SH3GLB2: variants seen among roughly 807,000 people sequenced by gnomAD.
SH3GLB2 encodes the protein endophilin-B2.
Under a neutral mutation model 48.0 loss-of-function variants are expected in SH3GLB2, and 24 were observed. The observed-to-expected ratio is 0.50, with a 90% confidence interval of 0.36 to 0.70. The LOEUF (loss-of-function observed/expected upper bound fraction) is 0.70, where lower values mean the gene tolerates loss of function less well. Among genes scored for constraint, SH3GLB2 ranks in the 30% least tolerant of loss-of-function variants. The pLI is 0.00. For missense variants in SH3GLB2, 425 were observed against 516.0 expected, an observed-to-expected ratio of 0.82 and a Z score of 1.71; for synonymous variants, 227 against 207.6, an observed-to-expected ratio of 1.09 and a Z score of -0.80.
At position 129,011,928 on chromosome 9, in the gene SH3GLB2, G is replaced by T; in HGVS notation, c.624+308C>A. On this transcript the variant is annotated intron_variant, in intron 6 of 10. Transcript: ENST00000372564. The surrounding 1 kb of genome is among the most constrained non-coding windows in gnomAD (Gnocchi z 4.5). ...ATTCAGAGACAGCAGGAGGTGGAGG[G>T]GCCCTGGGGATGGGACAGCTGCCGC... The T allele has an allele frequency of 3.0e-6, 1 of 328,918 alleles. No individual in the cohort carries two copies. Among genetic ancestry groups the T allele is most frequent in the Non-Finnish European group, 5.5e-6 (1 of 181,752 alleles). The allele number at this position is 328,918 out of a possible 1,614,324, so 20.4% of individuals were successfully genotyped here.
intron 2 of SH3GLB2, 39 bp downstream of exon 2, chr9:129,022,243 C>G (rs776030306): frequency 4.4e-6 from 7 of 1,606,880 alleles, no homozygotes; most frequent in Non-Finnish European, 4.2e-6. Flanking sequence ...CCCTGCCCCA[C>G]GACTACATCC....
rs550083732 is a variant in SH3GLB2 at position 129,021,014 on chromosome 9, A to G, written c.334+77T>C. On this transcript the variant is annotated intron_variant, in intron 3 of 10. Coordinates refer to ENST00000372564, the MANE Select transcript of SH3GLB2 (RefSeq NM_020145.4). ...TATTTGTATAATTATTTTTTTAAGT[A>G]AAAAAAAGGAAGGGAGGGAGGGAGA... The G allele has an allele frequency of 4.6e-6, 6 of 1,304,316 alleles. No homozygotes were observed. The East Asian group carries it at 1.4e-4, about 30-fold the overall frequency. The allele number at this position is 1,304,316 out of a possible 1,614,324, so 80.8% of individuals were successfully genotyped here.
intron 3 of SH3GLB2, among the ~76,000 whole-genome samples, chr9:129,017,158 C>G (rs1219643820): frequency 6.6e-6 from 1 of 151,868 alleles, no homozygotes; most frequent in Non-Finnish European, 1.5e-5. Flanking sequence ...CCATGTTGGC[C>G]AGGCTGGTCT....
chr9:129,010,086 G>A (rs375424229), intron 8 of SH3GLB2, 34 bp downstream of exon 8: 18 of 1,592,924 alleles, frequency 1.1e-5, no homozygotes, highest in African/African-American at 5.4e-5. Flanking sequence ...CCTGCTGAGG[G>A]TTAGGTTTAG....
Position 129,014,358 on chromosome 9 carries a change from T to C in SH3GLB2, c.561+53A>G, listed in dbSNP as rs1843300574. Reference sequence around the variant, plus strand: ...CAGGTCCCTTCATGCCACCACCCCTTGGCTCCAGCCAGAGCCTGGGCCAGG... The same window carrying C: ...CAGGTCCCTTCATGCCACCACCCCTCGGCTCCAGCCAGAGCCTGGGCCAGG... On this transcript the variant is annotated intron_variant, in intron 5 of 10. Transcript: ENST00000372564. This position sits in a 1 kb window ranked among gnomAD's most constrained non-coding sequence, Gnocchi z 4.1. 2.0e-6 allele frequency: 3 copies of C among 1,510,584 alleles called. No homozygotes were observed. The highest frequency in any genetic ancestry group is 1.4e-5 in the African/African-American group (1 of 72,158). 93.6% of individuals were successfully genotyped at this position (1,510,584 alleles called of 1,614,324 possible).
At position 129,014,968 on chromosome 9, in the gene SH3GLB2, G is replaced by A. The variant is rs1843343847; in HGVS notation, c.335-64C>T. 2 of 1,564,160 alleles carry A rather than the reference G, an allele frequency of 1.3e-6. No homozygotes were observed. The highest frequency in any genetic ancestry group is 1.4e-5 in the African/African-American group (1 of 73,244). Reference sequence around the variant, plus strand: ...GCTCAGGCTACTCTGATCTACAGGAGAGGGCTCAGGAAGAGCTTGCTGAAG... The same window carrying A: ...GCTCAGGCTACTCTGATCTACAGGAAAGGGCTCAGGAAGAGCTTGCTGAAG... On this transcript the variant is annotated intron_variant, in intron 3 of 10. Transcript: ENST00000372564. The surrounding 1 kb of genome is among the most constrained non-coding windows in gnomAD (Gnocchi z 4.1).
chr9:129,022,508 C>G, intron 1 of SH3GLB2, 85 bp from the exon 2 acceptor site: 2 of 1,291,278 alleles, frequency 1.5e-6, no homozygotes, highest in Non-Finnish European at 2.2e-6. Flanking sequence ...AGGACTGCCC[C>G]TCCCCACCAG....
At chr9:129,013,480 G>C (rs1418485415) in intron 5 of SH3GLB2, 1 of 186,508 alleles carries the variant, frequency 5.4e-6, no homozygotes, top group Non-Finnish European at 1.1e-5. Context: ...AATAGGCACA[G>C]GTCACCCTAG....
intron 8 of SH3GLB2, 118 bp from the exon 9 acceptor site, chr9:129,009,989 G>A: frequency 5.9e-6 from 8 of 1,361,826 alleles, no homozygotes; most frequent in Non-Finnish European, 8.3e-6. Flanking sequence ...CCCTGCCCCT[G>A]CGCCCACACC....
chr9:129,012,358 G>C, intron 5 of SH3GLB2, 60 bp from the exon 6 acceptor site: 1 of 1,119,042 alleles, frequency 8.9e-7, no homozygotes, highest in Non-Finnish European at 1.2e-6. Context: ...CCAGGGTCGA[G>C]GTCAGGAGGC....
rs1843930536 is a variant in SH3GLB2 at position 129,023,216 on chromosome 9, C to T, written c.64-793G>A. On this transcript the variant is annotated intron_variant, in intron 1 of 10. Transcript: ENST00000372564. ...ATGGCCAAACGGTTGGCTTTGGCCA[C>T]CTGGTAGGGTAGATGGAAACACTGC... is the stretch of plus-strand genomic sequence containing the variant. Among the ~76,000 whole-genome samples, 4 of 152,112 alleles carry T rather than the reference C, an allele frequency of 2.6e-5. No individual in the cohort carries two copies. The South Asian group carries it at 8.3e-4, about 31-fold the overall frequency.
rs1564572964 is a variant in SH3GLB2 at position 129,008,424 on chromosome 9, G to C, written c.*260C>G. The C allele has an allele frequency of 2.2e-6, 1 of 446,684 alleles. No individual in the cohort carries two copies. The highest frequency in any genetic ancestry group is 2.0e-5 in the African/African-American group (1 of 49,892). The allele number at this position is 446,684 out of a possible 1,614,324, so 27.7% of individuals were successfully genotyped here. On this transcript the variant is annotated 3_prime_UTR_variant, in exon 11 of 11. Transcript: ENST00000372564. ...GCTGCAGACAGCCCCTCCCTCCTTA[G>C]TGGAGCCTGGAGGGTGGGGTGCTCG...
chr9:129,025,648 A>C lies in SH3GLB2; in HGVS notation c.63+2444T>G, dbSNP rs138990254. ...AAGGCAGGCAGGCAGGCAGGCAGGC[A>C]GGCAGGCCTCCCTCACATCCCTCCT... On this transcript the variant is annotated intron_variant, in intron 1 of 10. Coordinates refer to ENST00000372564, the MANE Select transcript of SH3GLB2 (RefSeq NM_020145.4). Among the ~76,000 whole-genome samples, 822 of 151,524 alleles carry C rather than the reference A, an allele frequency of 5.4e-3. 10 individuals are homozygous for C. Among genetic ancestry groups the C allele is most frequent in the East Asian group, 0.04 (205 of 5,148 alleles).
In SH3GLB2 at chr9:129,010,614, G is replaced by A. The variant is rs112238209; in HGVS notation, c.648+56C>T. 46 of 1,595,874 alleles carry A rather than the reference G, an allele frequency of 2.9e-5. No homozygotes were observed. In the African/African-American group the frequency reaches 3.6e-4, roughly 13 times the overall value. ...GATCAGACCCCACAGCAGCAAGTGT[G>A]CCTGCACCCCGCCACCCCTTCTTCC... On this transcript the variant is annotated intron_variant, in intron 7 of 10. Coordinates refer to ENST00000372564, the MANE Select transcript of SH3GLB2 (RefSeq NM_020145.4).
Position 129,014,816 on chromosome 9 carries a change from G to A in SH3GLB2, c.423C>T (p.Leu141=). The change falls in exon 4 of 11, where the codon CTC becomes CTT. Residue 141 remains leucine (L), a synonymous_variant. Transcript: ENST00000372564. This position sits in a 1 kb window ranked among gnomAD's most constrained non-coding sequence, Gnocchi z 4.1. ...DFIHTASISF[L]TPLRNFLEGD... The stretch of plus-strand genomic sequence containing the variant: ...CCTCCAGGAAGTTGCGCAAGGGTGT[G>A]AGGAAGCTGATGGAGGCCGTGTGGA... The A allele has an allele frequency of 6.2e-7, 1 of 1,614,042 alleles. No individual in the cohort carries two copies. Among genetic ancestry groups the A allele is most frequent in the Non-Finnish European group, 8.5e-7 (1 of 1,180,028 alleles).
intron 1 of SH3GLB2, 56 bp from the exon 2 acceptor site, chr9:129,022,479 G>C (rs1453629015): frequency 7.4e-6 from 11 of 1,490,332 alleles, no homozygotes; most frequent in Non-Finnish European, 1.0e-5. Flanking sequence ...AAGGAGGTGG[G>C]GGAGTGGTGG....
chr9:129,025,138 T>C (rs181733022), intron 1 of SH3GLB2, among the ~76,000 whole-genome samples: 1 of 150,232 alleles, frequency 6.7e-6, no homozygotes, highest in Non-Finnish European at 1.5e-5. Flanking sequence ...TAGCATGACG[T>C]GGTGGTGGGC....
chr9:129,009,579 G>C, intron 9 of SH3GLB2, 192 bp downstream of exon 9: 3 of 1,535,578 alleles, frequency 2.0e-6, no homozygotes, highest in Non-Finnish European at 2.6e-6. Flanking sequence ...GGGGCTCCAG[G>C]GGACTTGGCC....
intron 1 of SH3GLB2, 40 bp from the exon 2 acceptor site, chr9:129,022,463 G>A: frequency 1.3e-6 from 2 of 1,554,020 alleles, no homozygotes; most frequent in Non-Finnish European, 8.8e-7. Context: ...GAGGGGGAGA[G>A]CTCAGAAGGA....
Sources: gnomAD v4.1 joint callset for allele counts (sites outside exome capture counted in the v4.1 genomes callset) on GRCh38, gnomAD v4.1.1 for gene constraint, Gnocchi (gnomAD v3.1) non-coding constraint, MANE v1.5 for transcripts, NCBI Gene and HGNC (gene_info 2026-07-23, HGNC 2026-07-21) for gene names.